TOX: variants seen among roughly 807,000 people sequenced by gnomAD.
The protein encoded by TOX is thymocyte selection associated high mobility group box.
A neutral mutation model predicts 53.7 loss-of-function variants in TOX; 11 were observed. That is an observed-to-expected ratio of 0.20 (90% CI 0.13 to 0.34). The LOEUF (loss-of-function observed/expected upper bound fraction) is 0.34, where lower values mean the gene tolerates loss of function less well. Ranked by LOEUF, TOX falls within the 10% of genes least tolerant of loss-of-function variation. The pLI is 1.00. For synonymous variants in TOX, 225 were observed against 245.3 expected, an observed-to-expected ratio of 0.92 and a Z score of 0.77; for missense variants, 570 against 664.6, an observed-to-expected ratio of 0.86 and a Z score of 1.56.
intron 1 of TOX, 37 bp from the exon 2 acceptor site, chr8:58,960,045 G>A: frequency 1.9e-6 from 3 of 1,605,722 alleles, no homozygotes; most frequent in Non-Finnish European, 2.6e-6. Context: ...CAGCAATCTT[G>A]ACTGCGGGTA....
At chr8:58,926,132 T>G (rs1393435642) in intron 3 of TOX, among the ~76,000 whole-genome samples, 4 of 152,210 alleles carry the variant, frequency 2.6e-5, no homozygotes, top group Non-Finnish European at 5.9e-5. Flanking sequence ...TTCTGAGATA[T>G]CAAAGTATGA....
chr8:59,048,590 T>G (rs1302446691), intron 1 of TOX, among the ~76,000 whole-genome samples: 4 of 152,198 alleles, frequency 2.6e-5, no homozygotes, highest in Non-Finnish European at 5.9e-5. Flanking sequence ...ATGTTCTCAT[T>G]TTTTATATTA....
intron 1 of TOX, among the ~76,000 whole-genome samples, chr8:59,033,333 T>C (rs1234232612): frequency 6.6e-6 from 1 of 152,180 alleles, no homozygotes; most frequent in Non-Finnish European, 1.5e-5. Flanking sequence ...GAAAAACACA[T>C]GCTAAAAATG....
chr8:59,051,792 G>A (rs1803794943), intron 1 of TOX, among the ~76,000 whole-genome samples: 1 of 152,142 alleles, frequency 6.6e-6, no homozygotes, highest in Non-Finnish European at 1.5e-5. Context: ...TGCAGATGAT[G>A]GAAAAAGTTG....
intron 3 of TOX, among the ~76,000 whole-genome samples, chr8:58,914,078 A>G (rs556415150): frequency 6.6e-6 from 1 of 152,324 alleles, no homozygotes; most frequent in South Asian, 2.1e-4. Context: ...CAAAATGGTT[A>G]CCCAAGGAAA....
chr8:58,964,484 C>G (rs1416634859), intron 1 of TOX, among the ~76,000 whole-genome samples: 1 of 152,086 alleles, frequency 6.6e-6, no homozygotes, highest in Non-Finnish European at 1.5e-5. Flanking sequence ...ACACCCTGAC[C>G]AGGAGCTGGT....
chr8:59,009,351 C>T (rs1047347989), intron 1 of TOX, among the ~76,000 whole-genome samples: 3 of 151,104 alleles, frequency 2.0e-5, no homozygotes. Flanking sequence ...TTCCTTCCCT[C>T]CTTTCTTTCT....
rs1465151087 is a variant in TOX, at chr8:58,808,107, C to T, written c.1544+11G>A. The stretch of plus-strand genomic sequence containing the variant: ...CTGTCCACCACCAGGTGGCGATGAC[C>T]GGCCGCTTACCCACTACTGCAGTAG... On this transcript the variant is annotated intron_variant, in intron 8 of 8. Transcript: ENST00000361421. 8.1e-6 allele frequency: 13 copies of T among 1,604,584 alleles called. No individual in the cohort carries two copies. Among genetic ancestry groups the T allele is most frequent in the South Asian group, 1.1e-5 (1 of 89,236 alleles).
intron 3 of TOX, among the ~76,000 whole-genome samples, chr8:58,855,834 C>T (rs191205398): frequency 8.5e-5 from 13 of 152,292 alleles, no homozygotes; most frequent in African/African-American, 2.4e-5. Context: ...AATCTCTCTC[C>T]CTTAATCATG....
chr8:58,869,913 A>G (rs1399178922), intron 3 of TOX, among the ~76,000 whole-genome samples: 1 of 152,104 alleles, frequency 6.6e-6, no homozygotes, highest in Non-Finnish European at 1.5e-5. Context: ...CCAGGGGTGG[A>G]AAAGAACTTC....
chr8:58,870,475 T>C (rs545497483), intron 3 of TOX, among the ~76,000 whole-genome samples: 3 of 152,260 alleles, frequency 2.0e-5, no homozygotes, highest in African/African-American at 4.8e-5. Context: ...ACTTAATCGA[T>C]AGAGTCAATG....
chr8:58,826,697 C>CTT (rs540637570), intron 6 of TOX, 125 bp downstream of exon 6: 6 of 807,088 alleles, frequency 7.4e-6, no homozygotes, highest in Non-Finnish European at 1.1e-5. Context: ...TTGTAATTTA[C>CTT]TTTTTTTTCC....
chr8:58,941,910 G>A (rs1177256830), intron 2 of TOX, among the ~76,000 whole-genome samples: 5 of 152,048 alleles, frequency 3.3e-5, no homozygotes, highest in East Asian at 3.9e-4. Flanking sequence ...AAAATTAGCC[G>A]GGTGTGGTGG....
intron 1 of TOX, among the ~76,000 whole-genome samples, chr8:59,105,881 C>A (rs761960034): frequency 2.0e-5 from 3 of 152,046 alleles, no homozygotes; most frequent in South Asian, 2.1e-4. Context: ...TTATTAAGTT[C>A]TTGATTAGTC....
At chr8:58,923,323 T>G (rs551326384) in intron 3 of TOX, among the ~76,000 whole-genome samples, 2 of 152,206 alleles carry the variant, frequency 1.3e-5, no homozygotes, top group African/African-American at 4.8e-5. Flanking sequence ...GATTTCAAAA[T>G]GTATTTTGGA....
intron 1 of TOX, among the ~76,000 whole-genome samples, chr8:58,997,854 G>T (rs1425720788): frequency 6.6e-6 from 1 of 151,928 alleles, no homozygotes; most frequent in East Asian, 1.9e-4. Flanking sequence ...GTGCAGTGGC[G>T]CGATCTTGGC....
chr8:58,874,535 G>C (rs1811254139), intron 3 of TOX, among the ~76,000 whole-genome samples: 1 of 152,102 alleles, frequency 6.6e-6, no homozygotes, highest in South Asian at 2.1e-4. Flanking sequence ...ATTTATTCTT[G>C]AGAAAGGAAA....
intron 5 of TOX, among the ~76,000 whole-genome samples, chr8:58,833,329 G>C (rs775724942): frequency 3.3e-5 from 5 of 152,334 alleles, no homozygotes; most frequent in Non-Finnish European, 7.3e-5. Context: ...TGGCTAAAAA[G>C]GACCCAAGAA....
intron 1 of TOX, among the ~76,000 whole-genome samples, chr8:59,006,414 A>G (rs1813793585): frequency 6.6e-6 from 1 of 152,186 alleles, no homozygotes; most frequent in Non-Finnish European, 1.5e-5. Context: ...CTGCTGTGCT[A>G]TTGTGATGGA....
Sources: allele counts gnomAD v4.1 joint callset (sites outside exome capture counted in the v4.1 genomes callset), GRCh38; gene constraint gnomAD v4.1.1; transcripts MANE v1.5; gene names NCBI Gene and HGNC (gene_info 2026-07-23, HGNC 2026-07-21).